Variants in NR6A1 observed in about 807,000 individuals in gnomAD.
NR6A1 encodes retinoic acid receptor-related testis-associated receptor.
Under a neutral mutation model 59.1 loss-of-function variants are expected in NR6A1, and 7 were observed. That is an observed-to-expected ratio of 0.12 (90% CI 0.07 to 0.22). NR6A1 has a LOEUF of 0.22. Among genes scored for constraint, NR6A1 ranks in the 10% least tolerant of loss-of-function variants. NR6A1 has a pLI of 1.00. For missense variants in NR6A1, 468 were observed against 611.6 expected (o/e 0.77, Z 2.48); for synonymous variants, 243 against 236.1 (o/e 1.03, Z -0.27).
intron 2 of NR6A1, among the ~76,000 whole-genome samples, chr9:124,725,513 A>G (rs544495761): frequency 1.5e-3 from 222 of 152,366 alleles, no homozygotes; most frequent in African/African-American, 5.1e-3. Flanking sequence ...GCCATGCACA[A>G]CTGGAAATTA....
At chr9:124,600,097 GGTGACCATTCTCAAGGA>G (rs1253200194) in intron 2 of NR6A1, among the ~76,000 whole-genome samples, 4 of 152,148 alleles carry the variant, frequency 2.6e-5, no homozygotes, top group Non-Finnish European at 4.4e-5. Flanking sequence ...GTGAAAGCCC[GGTGACCATTCTCAAGGA>G]GAGGGACTTG....
In NR6A1 at chr9:124,592,955, T is replaced by C. The variant is rs184318755; in HGVS notation, c.143-38385A>G. 2.0e-5 allele frequency among the ~76,000 whole-genome samples: 3 copies of C among 152,288 alleles called. No homozygotes were observed. In the East Asian group the frequency reaches 5.8e-4, roughly 29 times the overall value. ...AATGCCTTAGTCCTCTGGAAAAGGATACAGTAAAACAGGAATGTTACAGGG... is the reference window on the plus strand; with the variant it reads ...AATGCCTTAGTCCTCTGGAAAAGGACACAGTAAAACAGGAATGTTACAGGG... On this transcript the variant is annotated intron_variant, in intron 2 of 9. Transcript: ENST00000487099.
chr9:124,586,747 C>G (rs1211763649), intron 2 of NR6A1, among the ~76,000 whole-genome samples: 1 of 152,122 alleles, frequency 6.6e-6, no homozygotes, highest in East Asian at 1.9e-4. Context: ...CCACACCCAG[C>G]CCATGATAAA....
chr9:124,744,491 A>G lies in NR6A1; in HGVS notation c.101-11142T>C, dbSNP rs561934269. Among the ~76,000 whole-genome samples, 33 of 152,358 alleles carry G rather than the reference A, an allele frequency of 2.2e-4. 1 individual carries two copies. The highest frequency in any genetic ancestry group is 1.7e-3 in the Admixed American group (26 of 15,306). ...GTCAAAACAAGAGAACTTCTATTGAAAGCATCTTGACTAATAAAACCCTAC... is the reference window on the plus strand; with the variant it reads ...GTCAAAACAAGAGAACTTCTATTGAGAGCATCTTGACTAATAAAACCCTAC... On this transcript the variant is annotated intron_variant, in intron 1 of 9. Transcript: ENST00000487099.
intron 2 of NR6A1, among the ~76,000 whole-genome samples, chr9:124,676,550 A>C (rs1837967391): frequency 6.6e-6 from 1 of 152,210 alleles, no homozygotes; most frequent in Admixed American, 6.5e-5. Flanking sequence ...CCAAGTTATT[A>C]AGAAAGTGTT....
intron 2 of NR6A1, among the ~76,000 whole-genome samples, chr9:124,622,135 G>C (rs1320133611): frequency 6.6e-6 from 1 of 152,190 alleles, no homozygotes; most frequent in East Asian, 1.9e-4. Flanking sequence ...AGGATCGCTT[G>C]AGCCTGGGAG....
At position 124,552,596 on chromosome 9, in the gene NR6A1, C is replaced by A. The variant is rs139076639; in HGVS notation, c.385+1732G>T. On this transcript the variant is annotated intron_variant, in intron 3 of 9. Transcript: ENST00000487099. ...TGTCCGTGTCCGTATTAAGCAGGTA[C>A]AAGCTCTGCTTAATAACAAATTATA... Among the ~76,000 whole-genome samples, 33 of 152,304 alleles carry A rather than the reference C, an allele frequency of 2.2e-4. No homozygotes were observed. The East Asian group carries it at 6.4e-3, about 29-fold the overall frequency.
At chr9:124,738,637 G>A (rs1840084216) in intron 1 of NR6A1, among the ~76,000 whole-genome samples, 1 of 152,190 alleles carries the variant, frequency 6.6e-6, no homozygotes, top group South Asian at 2.1e-4. Flanking sequence ...GGGAGGCTGA[G>A]GCAGGTGGAT....
intron 2 of NR6A1, among the ~76,000 whole-genome samples, chr9:124,564,398 T>C (rs916482413): frequency 2.6e-5 from 4 of 152,124 alleles, no homozygotes; most frequent in Non-Finnish European, 5.9e-5. Flanking sequence ...AAGAAATATA[T>C]AAAAATTAAC....
intron 2 of NR6A1, among the ~76,000 whole-genome samples, chr9:124,605,751 G>A (rs1007402736): frequency 4.6e-5 from 7 of 152,152 alleles, no homozygotes; most frequent in African/African-American, 1.4e-4. Flanking sequence ...TTAGCCCTTC[G>A]ATGATGGTTG....
At chr9:124,735,531 T>C (rs543991846) in intron 1 of NR6A1, among the ~76,000 whole-genome samples, 1 of 152,306 alleles carries the variant, frequency 6.6e-6, no homozygotes, top group South Asian at 2.1e-4. Flanking sequence ...AAGAAAGTCA[T>C]AGAATCAGGA....
At chr9:124,663,440 T>C (rs940656935) in intron 2 of NR6A1, among the ~76,000 whole-genome samples, 8 of 152,176 alleles carry the variant, frequency 5.3e-5, no homozygotes, top group Non-Finnish European at 8.8e-5. Context: ...CTCTGCCCCT[T>C]ATTTACTACA....
chr9:124,592,538 T>C (rs796657522), intron 2 of NR6A1, among the ~76,000 whole-genome samples: 1 of 152,216 alleles, frequency 6.6e-6, no homozygotes, highest in Non-Finnish European at 1.5e-5. Context: ...AGGGTACCGA[T>C]TAGAGATGGG....
chr9:124,685,121 T>C (rs1225597614), intron 2 of NR6A1, among the ~76,000 whole-genome samples: 2 of 152,194 alleles, frequency 1.3e-5, no homozygotes, highest in Admixed American at 6.5e-5. Context: ...CCCTTCTAAA[T>C]CTGTTTCTTC....
At chr9:124,687,170 G>A (rs1387138133) in intron 2 of NR6A1, among the ~76,000 whole-genome samples, 1 of 151,462 alleles carries the variant, frequency 6.6e-6, no homozygotes, top group Non-Finnish European at 1.5e-5. Flanking sequence ...TCAGGCTAGA[G>A]TGAAGTGGCG....
At chr9:124,666,574 C>T (rs1837627679) in intron 2 of NR6A1, among the ~76,000 whole-genome samples, 2 of 152,152 alleles carry the variant, frequency 1.3e-5, no homozygotes, top group African/African-American at 2.4e-5. Context: ...CAACCATGCC[C>T]GGCCACCATT....
intron 2 of NR6A1, among the ~76,000 whole-genome samples, chr9:124,572,633 C>T (rs1048614243): frequency 1.3e-5 from 2 of 152,190 alleles, no homozygotes; most frequent in African/African-American, 4.8e-5. Context: ...GTGGTATGTT[C>T]GCACACGTCA....
intron 2 of NR6A1, among the ~76,000 whole-genome samples, chr9:124,686,291 C>A (rs1838327589): frequency 6.6e-6 from 1 of 152,276 alleles, no homozygotes; most frequent in South Asian, 2.1e-4. Context: ...AGATTGAGTT[C>A]TTTGGTAACT....
intron 2 of NR6A1, among the ~76,000 whole-genome samples, chr9:124,614,620 C>A (rs1320539089): frequency 6.6e-6 from 1 of 152,104 alleles, no homozygotes; most frequent in Non-Finnish European, 1.5e-5. Flanking sequence ...GAGAATAGAT[C>A]CTAAAAATAT....
Sources: gnomAD v4.1 joint callset for allele counts (sites outside exome capture counted in the v4.1 genomes callset) on GRCh38, gnomAD v4.1.1 for gene constraint, MANE v1.5 for transcripts, NCBI Gene and HGNC (gene_info 2026-07-23, HGNC 2026-07-21) for gene names.